HS6ST2: variants seen among roughly 807,000 people sequenced by gnomAD.
HS6ST2 encodes the protein heparan-sulfate 6-O-sulfotransferase 2.
In HS6ST2, 17 loss-of-function variants were observed where a neutral mutation model predicts 33.0. That is an observed-to-expected ratio of 0.52 (90% confidence interval 0.35 to 0.77). The LOEUF (loss-of-function observed/expected upper bound fraction) is 0.77, where lower values mean the gene tolerates loss of function less well. Among genes scored for constraint, HS6ST2 ranks in the 30% least tolerant of loss-of-function variants. The probability of loss-of-function intolerance (pLI) is 0.01; values close to 1 mark genes in which losing one functional copy is unlikely to be tolerated. For synonymous variants in HS6ST2, 248 were observed against 237.1 expected, an observed-to-expected ratio of 1.05 and a Z score of -0.42; for missense variants, 519 against 551.7, an observed-to-expected ratio of 0.94 and a Z score of 0.59.
At chrX:132,885,164 A>G (rs1356140091) in intron 2 of HS6ST2, among the ~76,000 whole-genome samples, 1 of 111,908 alleles carries the variant, frequency 8.9e-6, no homozygotes, top group African/African-American at 3.2e-5. Context: ...ATAATGGACT[A>G]TTATTCAGCA....
At chrX:132,693,221 G>A (rs1189836447) in intron 3 of HS6ST2, among the ~76,000 whole-genome samples, 1 of 112,115 alleles carries the variant, frequency 8.9e-6, no homozygotes, top group Admixed American at 9.4e-5. Context: ...TCAGGAGATA[G>A]AGGGCTTGAG....
In HS6ST2 at chrX:132,628,480, G is replaced by A; in HGVS notation, c.1681C>T (p.Leu561=). ...RRKRQEQRKF[L]KGRLLQTHFQ... is the part of the protein sequence containing the mutation. The stretch of plus-strand genomic sequence containing the variant: ...TGGGTCTGAAGGAGCCTTCCCTTCA[G>A]AAATTTGCGTTGTTCCTGACGCTTT... The change falls in exon 5 of 5, where the codon CTG becomes TTG. Residue 561 remains leucine (L), a synonymous_variant. Coordinates refer to ENST00000370833, the MANE Select transcript of HS6ST2 (RefSeq NM_001394073.1). 1 of 1,211,177 alleles carries A rather than the reference G, an allele frequency of 8.3e-7. No homozygotes were observed.
intron 2 of HS6ST2, among the ~76,000 whole-genome samples, chrX:132,823,265 A>G (rs2065477793): frequency 9.0e-6 from 1 of 111,712 alleles, no homozygotes; most frequent in African/African-American, 3.3e-5. Context: ...TGGAACTTAC[A>G]TATTTTTTTA....
At chrX:132,685,140 C>T (rs1307540529) in intron 3 of HS6ST2, among the ~76,000 whole-genome samples, 2 of 111,735 alleles carry the variant, frequency 1.8e-5, no homozygotes, top group Non-Finnish European at 3.8e-5. Context: ...GAGGCTCCCT[C>T]TTAAGACCTT....
intron 2 of HS6ST2, among the ~76,000 whole-genome samples, chrX:132,884,903 T>A (rs2066231393): frequency 1.8e-5 from 2 of 111,568 alleles, no homozygotes; most frequent in Admixed American, 1.9e-4. Flanking sequence ...GGAATAAAAT[T>A]TAAGAATTCT....
intron 2 of HS6ST2, among the ~76,000 whole-genome samples, chrX:132,850,076 T>C (rs2065787938): frequency 8.9e-6 from 1 of 112,237 alleles, no homozygotes; most frequent in Non-Finnish European, 1.9e-5. Context: ...TCAAGATGAG[T>C]TGACTTTTGG....
At chrX:132,955,056 C>T (rs977280447) in intron 2 of HS6ST2, among the ~76,000 whole-genome samples, 3 of 112,293 alleles carry the variant, frequency 2.7e-5, no homozygotes, top group African/African-American at 9.7e-5. Context: ...GTGACCAAGA[C>T]CTTGTTTTCA....
chrX:132,735,816 C>T (rs2064502581), intron 2 of HS6ST2, among the ~76,000 whole-genome samples: 1 of 111,964 alleles, frequency 8.9e-6, no homozygotes, highest in Non-Finnish European at 1.9e-5. Context: ...TTTTGCAGCA[C>T]TGCAACTGTG....
At chrX:132,867,755 T>A (rs980765581) in intron 2 of HS6ST2, among the ~76,000 whole-genome samples, 2 of 111,618 alleles carry the variant, frequency 1.8e-5, no homozygotes, top group Non-Finnish European at 3.8e-5. Context: ...TTGTCACCAA[T>A]AGGCTGCCTT....
chrX:132,686,752 C>A (rs1162637586), intron 3 of HS6ST2, among the ~76,000 whole-genome samples: 34 of 111,393 alleles, frequency 3.1e-4, no homozygotes. Flanking sequence ...TGGCAGAGTA[C>A]AATAATATTT....
At chrX:132,792,206 G>A (rs1333969532) in intron 2 of HS6ST2, among the ~76,000 whole-genome samples, 3 of 112,241 alleles carry the variant, frequency 2.7e-5, no homozygotes, top group African/African-American at 9.7e-5. Flanking sequence ...CTACCCAAGT[G>A]GGCACAAGGT....
At chrX:132,638,084 T>C (rs1019688891) in intron 4 of HS6ST2, among the ~76,000 whole-genome samples, 11 of 99,714 alleles carry the variant, frequency 1.1e-4, no homozygotes, top group African/African-American at 4.0e-4. Context: ...GTTGGGGTGG[T>C]TGTATATGAC....
intron 2 of HS6ST2, among the ~76,000 whole-genome samples, chrX:132,743,020 G>A (rs778588500): frequency 8.9e-6 from 1 of 111,866 alleles, no homozygotes; most frequent in South Asian, 3.8e-4. Context: ...ACCACAAAGA[G>A]CAATGAGGGA....
intron 2 of HS6ST2, among the ~76,000 whole-genome samples, chrX:132,827,836 T>C (rs1290782082): frequency 9.0e-6 from 1 of 110,823 alleles, no homozygotes; most frequent in Non-Finnish European, 1.9e-5. Flanking sequence ...CCCTCGATTT[T>C]GCTGTTAGAG....
chrX:132,870,906 T>C (rs757822248), intron 2 of HS6ST2, among the ~76,000 whole-genome samples: 34 of 110,503 alleles, frequency 3.1e-4, no homozygotes, highest in Non-Finnish European at 1.5e-4. Context: ...AAAGCCAAAA[T>C]GGACAAACGG....
At chrX:132,747,756 C>CA (rs1397419572) in intron 2 of HS6ST2, among the ~76,000 whole-genome samples, 1 of 110,503 alleles carries the variant, frequency 9.0e-6, no homozygotes, top group Non-Finnish European at 1.9e-5. Flanking sequence ...AGGGCAAAAA[C>CA]AAAAGTCCAG....
At position 132,828,552 on chromosome X, in the gene HS6ST2, A is replaced by G. The variant is rs372524035; in HGVS notation, c.948-120058T>C. 5.6e-5 allele frequency among the ~76,000 whole-genome samples: 6 copies of G among 107,319 alleles called. No individual in the cohort carries two copies. In the East Asian group the frequency reaches 1.4e-3, roughly 26 times the overall value. 93.2% of individuals were successfully genotyped at this position (107,319 alleles called of 115,157 possible). A position where few individuals can be genotyped will look rare whatever the true frequency, so the allele number is the denominator to read the frequency against. On this transcript the variant is annotated intron_variant, in intron 2 of 4. Transcript: ENST00000370833. ...TTCAGATGAGAGAAGAACATTTCCG[A>G]AATCACTCAAAAATGAGGGACTTTC...
At chrX:132,803,968 G>C (rs1355546076) in intron 2 of HS6ST2, among the ~76,000 whole-genome samples, 1 of 111,682 alleles carries the variant, frequency 9.0e-6, no homozygotes, top group Non-Finnish European at 1.9e-5. Context: ...CCTGTACAAA[G>C]AAACAGCTTA....
At chrX:132,745,797 CTA>C (rs769470576) in intron 2 of HS6ST2, among the ~76,000 whole-genome samples, 46 of 111,957 alleles carry the variant, frequency 4.1e-4, no homozygotes, top group Non-Finnish European at 6.8e-4. Context: ...TAAAAAACAT[CTA>C]GAGAGTGTTT....
Sources: gnomAD v4.1 joint callset for allele counts (sites outside exome capture counted in the v4.1 genomes callset) on GRCh38, gnomAD v4.1.1 for gene constraint, MANE v1.5 for transcripts, NCBI Gene and HGNC (gene_info 2026-07-23, HGNC 2026-07-21) for gene names.